The following TBXAS1 variants were observed in gnomAD, a reference collection of about 807,000 sequenced individuals.
The protein encoded by TBXAS1 is thromboxane-A synthase.
Under a neutral mutation model 60.7 loss-of-function variants are expected in TBXAS1, and 48 were observed. That is an observed-to-expected ratio of 0.79 (90% CI 0.63 to 1.01). The LOEUF is 1.01. Among genes scored for constraint, TBXAS1 ranks in the 50% least tolerant of loss-of-function variants. TBXAS1 has a pLI of 0.00. For synonymous variants in TBXAS1, 287 were observed against 269.7 expected, an observed-to-expected ratio of 1.06 and a Z score of -0.63; for missense variants, 685 against 686.3, an observed-to-expected ratio of 1.00 and a Z score of 0.02.
At chr7:139,930,247 T>C (rs932252807) in intron 4 of TBXAS1, among the ~76,000 whole-genome samples, 1 of 152,168 alleles carries the variant, frequency 6.6e-6, no homozygotes, top group African/African-American at 2.4e-5. Flanking sequence ...TACCGTCCAG[T>C]GTATTTCTCA....
intron 1 of TBXAS1, among the ~76,000 whole-genome samples, chr7:139,836,164 T>C (rs56168252): frequency 0.49 from 73,925 of 151,914 alleles, 18,924 homozygotes; most frequent in East Asian, 0.89. Flanking sequence ...AAAGAAATCA[T>C]AGATGACACA....
At chr7:139,789,212 A>ATCTCTCTCTCTCTCTCTCTC (rs138299225) in intron 4 of TBXAS1, 3 of 142,500 alleles carry the variant, frequency 2.1e-5, no homozygotes, top group African/African-American at 7.6e-5. Flanking sequence ...AATATGTTTA[A>ATCTCTCTCTCTCTCTCTCTC]TCTCTCTCTC....
intron 10 of TBXAS1, among the ~76,000 whole-genome samples, chr7:140,011,170 G>A (rs1346202597): frequency 6.6e-6 from 1 of 152,050 alleles, no homozygotes; most frequent in East Asian, 1.9e-4. Context: ...CCAGCTACAA[G>A]GGAGGCTAAG....
intron 1 of TBXAS1, among the ~76,000 whole-genome samples, chr7:139,854,122 T>C (rs1232084960): frequency 6.6e-6 from 1 of 151,990 alleles, no homozygotes; most frequent in Admixed American, 6.5e-5. Context: ...CTCTCAGGGT[T>C]GTACAAGAGC....
chr7:139,948,504 C>A (rs1808929957), intron 5 of TBXAS1, among the ~76,000 whole-genome samples: 1 of 152,100 alleles, frequency 6.6e-6, no homozygotes, highest in African/African-American at 2.4e-5. Context: ...TATAAGAACT[C>A]CCAATAAATC....
intron 4 of TBXAS1, among the ~76,000 whole-genome samples, chr7:139,800,929 G>A (rs74620732): frequency 0.012 from 1,873 of 152,228 alleles, 16 homozygotes; most frequent in Non-Finnish European, 0.021. Context: ...ATAGTTTATA[G>A]CTAACTATAT....
chr7:139,908,240 T>C (rs369405463), intron 3 of TBXAS1, among the ~76,000 whole-genome samples: 1 of 152,076 alleles, frequency 6.6e-6, no homozygotes, highest in Non-Finnish European at 1.5e-5. Flanking sequence ...GATGGGAGCA[T>C]AGACGATTCA....
chr7:139,953,592 T>C, intron 6 of TBXAS1, 136 bp downstream of exon 6: 1 of 822,434 alleles, frequency 1.2e-6, no homozygotes. Context: ...ATGGATGGAC[T>C]GATTAATAAA....
intron 3 of TBXAS1, among the ~76,000 whole-genome samples, chr7:139,880,456 C>A (rs1802613140): frequency 6.6e-6 from 1 of 152,174 alleles, no homozygotes; most frequent in Admixed American, 6.6e-5. Context: ...GAACTTTGTA[C>A]ATAATTCATA....
chr7:139,940,944 T>C (rs1415458912), intron 5 of TBXAS1, among the ~76,000 whole-genome samples: 1 of 151,690 alleles, frequency 6.6e-6, no homozygotes, highest in East Asian at 1.9e-4. Context: ...AATAAGAGGA[T>C]ACAGCAAACT....
rs774858122 is a variant in TBXAS1, at chr7:139,896,056, C to T, written c.237-15169C>T. Among the ~76,000 whole-genome samples the T allele has an allele frequency of 6.6e-6, 1 of 152,126 alleles. No homozygotes were observed. Among genetic ancestry groups the T allele is most frequent in the Non-Finnish European group, 1.5e-5 (1 of 68,020 alleles). ...CTGCCAGGAGGAGTAATAGGGAAGC[C>T]AAGAGGATAAAATGATTTCCCAGTC... On this transcript the variant is annotated intron_variant, in intron 3 of 12. Coordinates refer to ENST00000448866, the MANE Select transcript of TBXAS1 (RefSeq NM_001061.7). This position sits in a 1 kb window ranked among gnomAD's most constrained non-coding sequence, Gnocchi z 4.0.
chr7:139,838,685 G>T (rs1439113029), intron 1 of TBXAS1, among the ~76,000 whole-genome samples: 7 of 152,156 alleles, frequency 4.6e-5, no homozygotes, highest in Non-Finnish European at 7.3e-5. Context: ...AAAAGACACT[G>T]TTTTAAACTA....
intron 1 of TBXAS1, among the ~76,000 whole-genome samples, chr7:139,870,778 T>A (rs1801761055): frequency 6.6e-6 from 1 of 152,238 alleles, no homozygotes; most frequent in Non-Finnish European, 1.5e-5. Context: ...TGGTTCTCCC[T>A]TGTGACCACT....
chr7:139,860,998 AC>A (rs1800920796), intron 1 of TBXAS1, among the ~76,000 whole-genome samples: 1 of 151,772 alleles, frequency 6.6e-6, no homozygotes, highest in African/African-American at 2.4e-5. Flanking sequence ...ATATGGTGAA[AC>A]CCCGTCTCTA....
intron 3 of TBXAS1, among the ~76,000 whole-genome samples, chr7:139,885,413 A>T (rs1464568531): frequency 6.6e-6 from 1 of 152,252 alleles, no homozygotes; most frequent in African/African-American, 2.4e-5. Context: ...AATGCATAAT[A>T]GAGTATGTAA....
At chr7:139,796,261 T>C (rs1797568723) in intron 4 of TBXAS1, among the ~76,000 whole-genome samples, 1 of 152,188 alleles carries the variant, frequency 6.6e-6, no homozygotes, top group African/African-American at 2.4e-5. Context: ...GGAAAAGGAA[T>C]GAATAAACCA....
intron 3 of TBXAS1, among the ~76,000 whole-genome samples, chr7:139,882,032 GGA>G (rs1297288021): frequency 6.6e-6 from 1 of 152,192 alleles, no homozygotes; most frequent in Non-Finnish European, 1.5e-5. Flanking sequence ...CCATCCATTA[GGA>G]GAGTCTGTGT....
rs1199815983 is a variant in TBXAS1, at chr7:139,962,013, C to T, written c.914C>T (p.Ser305Phe). 2.5e-6 allele frequency: 4 copies of T among 1,614,146 alleles called. No homozygotes were observed. Among genetic ancestry groups the T allele is most frequent in the Admixed American group, 3.3e-5 (2 of 60,008 alleles). ...QDFDIVRDVF[S>F]STGCKPNPSR... ...TTTGACATCGTCAGAGACGTTTTCT[C>T]CTCTACTGGGTGCAAGCCGAACCCT... is the stretch of plus-strand genomic sequence containing the variant. The change falls in exon 9 of 13, where the codon TCC (serine) becomes TTC (phenylalanine). Residue 305 changes from serine (S) to phenylalanine (F), a missense_variant. By Grantham distance (155) the Ser-to-Phe change is radical. Transcript: ENST00000448866.
intron 9 of TBXAS1, among the ~76,000 whole-genome samples, chr7:139,991,923 C>G (rs550280359): frequency 2.5e-4 from 38 of 152,206 alleles, no homozygotes; most frequent in Non-Finnish European, 5.1e-4. Context: ...CACCAGAGCT[C>G]GAGGGGAGAC....
Sources: allele counts gnomAD v4.1 joint callset (sites outside exome capture counted in the v4.1 genomes callset), GRCh38; gene constraint gnomAD v4.1.1; non-coding constraint Gnocchi (gnomAD v3.1); transcripts MANE v1.5; gene names NCBI Gene and HGNC (gene_info 2026-07-23, HGNC 2026-07-21).